VPS53: variants seen among roughly 807,000 people sequenced by gnomAD.
VPS53 encodes the protein vacuolar protein sorting-associated protein 53 homolog.
A neutral mutation model predicts 107.0 loss-of-function variants in VPS53; 70 were observed. The ratio of observed to expected loss-of-function variants is 0.65; its 90% CI spans 0.54 to 0.80. The LOEUF is 0.80. Ranked by LOEUF, VPS53 falls within the 30% of genes least tolerant of loss-of-function variation. The pLI, the probability that VPS53 is intolerant of heterozygous loss-of-function variation, is 0.00. For synonymous variants in VPS53, 409 were observed against 393.3 expected, an observed-to-expected ratio of 1.04 and a Z score of -0.47; for missense variants, 917 against 1,049.4, an observed-to-expected ratio of 0.87 and a Z score of 1.74.
At chr17:681,544 G>C (rs1369537104) in intron 4 of VPS53, among the ~76,000 whole-genome samples, 7 of 152,186 alleles carry the variant, frequency 4.6e-5, no homozygotes, top group Admixed American at 3.9e-4. Context: ...CTTCCATATT[G>C]AATCTGTTGT....
At chr17:591,174 T>G (rs1393478550) in intron 12 of VPS53, among the ~76,000 whole-genome samples, 2 of 146,518 alleles carry the variant, frequency 1.4e-5, no homozygotes, top group Admixed American at 6.9e-5. Flanking sequence ...ATAGAGGTGT[T>G]TGTAGTATTC....
At chr17:530,949 G>GCA (rs1597251053) in intron 19 of VPS53, among the ~76,000 whole-genome samples, 1 of 152,200 alleles carries the variant, frequency 6.6e-6, no homozygotes, top group Admixed American at 6.5e-5. Context: ...TTAGGATCTG[G>GCA]CACCCTTGTG....
chr17:523,712 T>C (rs751084171), intron 19 of VPS53, among the ~76,000 whole-genome samples: 27 of 152,236 alleles, frequency 1.8e-4, no homozygotes, highest in Non-Finnish European at 3.7e-4. Context: ...GTCATTCAAC[T>C]GTAGCCAGCA....
At chr17:659,937 C>CA (rs1971377235) in intron 5 of VPS53, among the ~76,000 whole-genome samples, 1 of 152,148 alleles carries the variant, frequency 6.6e-6, no homozygotes, top group African/African-American at 2.4e-5. Context: ...TTTCCCTAAA[C>CA]AAAGCCATCA....
intron 4 of VPS53, among the ~76,000 whole-genome samples, chr17:668,677 G>GCC (rs1449438168): frequency 6.6e-6 from 1 of 152,160 alleles, no homozygotes; most frequent in East Asian, 1.9e-4. Flanking sequence ...ATGTTATGGT[G>GCC]ACATGCTAAT....
intron 11 of VPS53, among the ~76,000 whole-genome samples, chr17:606,473 G>C (rs181328780): frequency 6.6e-6 from 1 of 152,034 alleles, no homozygotes; most frequent in Non-Finnish European, 1.5e-5. Flanking sequence ...ACACAGTTAC[G>C]TGCTGCCATG....
chr17:681,977 G>C (rs560093516), intron 4 of VPS53, among the ~76,000 whole-genome samples: 10 of 151,974 alleles, frequency 6.6e-5, no homozygotes, highest in Non-Finnish European at 1.5e-5. Flanking sequence ...GGAATCGTGG[G>C]AGATACCAAC....
chr17:523,099 ATTTCCGG>A (rs1908871938), intron 19 of VPS53: 1 of 152,472 alleles, frequency 6.6e-6, no homozygotes, highest in Non-Finnish European at 1.5e-5. Flanking sequence ...CTGGAATTCC[ATTTCCGG>A]TTGCCCAGGT....
At chr17:699,494 CATG>C in intron 2 of VPS53, 114 bp from the exon 3 acceptor site, 1 of 793,294 alleles carries the variant, frequency 1.3e-6, no homozygotes, top group Middle Eastern at 2.5e-4. Context: ...AATTTAATCA[CATG>C]ATATGAGTTT....
chr17:607,600 C>T (rs571921766), intron 11 of VPS53, among the ~76,000 whole-genome samples: 7 of 152,324 alleles, frequency 4.6e-5, no homozygotes, highest in African/African-American at 1.7e-4. Flanking sequence ...CAGAGAATTA[C>T]AACTTTGGGG....
intron 11 of VPS53, among the ~76,000 whole-genome samples, chr17:604,046 C>A (rs1406645319): frequency 1.3e-5 from 2 of 152,178 alleles, no homozygotes; most frequent in Non-Finnish European, 2.9e-5. Context: ...TGATCAAAAT[C>A]ATTCAGTGAC....
At chr17:562,352 G>C (rs1913090092) in intron 14 of VPS53, 151 bp downstream of exon 14, 2 of 1,074,938 alleles carry the variant, frequency 1.9e-6, no homozygotes, top group Admixed American at 5.1e-5. Context: ...TGTCAGAGAG[G>C]AAATAGCTTC....
At chr17:630,161 G>A (rs1390240849) in intron 8 of VPS53, among the ~76,000 whole-genome samples, 1 of 152,130 alleles carries the variant, frequency 6.6e-6, no homozygotes, top group Non-Finnish European at 1.5e-5. Flanking sequence ...AGGTGTGGTG[G>A]CAGGTGCCTG....
chr17:710,311 C>A (rs1006269800), intron 2 of VPS53, among the ~76,000 whole-genome samples: 2 of 152,124 alleles, frequency 1.3e-5, no homozygotes, highest in Non-Finnish European at 2.9e-5. Context: ...AGGACTCTCA[C>A]AACCTAAGAG....
chr17:574,407 A>C (rs1026141166), intron 13 of VPS53, among the ~76,000 whole-genome samples: 16 of 152,172 alleles, frequency 1.1e-4, no homozygotes, highest in Non-Finnish European at 2.4e-4. Context: ...TAACTCAGAA[A>C]AATGACCCTT....
At chr17:689,824 A>C (rs1972717934) in intron 4 of VPS53, among the ~76,000 whole-genome samples, 1 of 152,130 alleles carries the variant, frequency 6.6e-6, no homozygotes, top group Non-Finnish European at 1.5e-5. Context: ...TTGAGGAAGA[A>C]AAGCAAGGAA....
rs937089817 is a variant in VPS53, at chr17:511,418, C to T, written c.*7710G>A. On this transcript the variant is annotated 3_prime_UTR_variant, in exon 22 of 22. Coordinates refer to ENST00000437048, the MANE Select transcript of VPS53 (RefSeq NM_001128159.3). ...CAAAACAGGAGGCAAGACAATTGTG[C>T]AAATTCCATTTGATGACTGAGCAGA... 6.6e-6 allele frequency: 1 copy of T among 152,170 alleles called. No individual in the cohort carries two copies. The highest frequency in any genetic ancestry group is 2.4e-5 in the African/African-American group (1 of 41,438). 9.4% of individuals were successfully genotyped at this position (152,170 alleles called of 1,614,324 possible). A position where few individuals can be genotyped will look rare whatever the true frequency, so the allele number is the denominator to read the frequency against.
rs1328684726 is a variant in VPS53, at chr17:680,159, T to A, written c.285+17259A>T. 5.9e-5 allele frequency among the ~76,000 whole-genome samples: 9 copies of A among 152,164 alleles called. No homozygotes were observed. The East Asian group carries it at 1.5e-3, about 26-fold the overall frequency. ...AAATACAAAAATTAGCCGGTCATGGTAGCAGGCGTCTGTTATCCCAGCTAC... is the reference window on the plus strand; with the variant it reads ...AAATACAAAAATTAGCCGGTCATGGAAGCAGGCGTCTGTTATCCCAGCTAC... On this transcript the variant is annotated intron_variant, in intron 4 of 21. Coordinates refer to ENST00000437048, the MANE Select transcript of VPS53 (RefSeq NM_001128159.3).
chr17:688,697 G>A (rs577389156), intron 4 of VPS53, among the ~76,000 whole-genome samples: 23 of 152,220 alleles, frequency 1.5e-4, no homozygotes, highest in East Asian at 7.7e-4. Flanking sequence ...AACAGTCACC[G>A]GATTCAACTT....
Sources: gnomAD v4.1 joint callset for allele counts (sites outside exome capture counted in the v4.1 genomes callset) on GRCh38, gnomAD v4.1.1 for gene constraint, MANE v1.5 for transcripts, NCBI Gene and HGNC (gene_info 2026-07-23, HGNC 2026-07-21) for gene names.